The following SUPT5H variants were observed in gnomAD, a reference collection of about 807,000 sequenced individuals.
SUPT5H encodes the protein transcription elongation factor SPT5.
Under a neutral mutation model 142.5 loss-of-function variants are expected in SUPT5H, and 24 were observed. The observed-to-expected ratio is 0.17, with a 90% CI of 0.12 to 0.24. The LOEUF is 0.24. Ranked by LOEUF, SUPT5H falls within the 10% of genes least tolerant of loss-of-function variation. The probability of loss-of-function intolerance (pLI) is 1.00; values close to 1 mark genes in which losing one functional copy is unlikely to be tolerated. For synonymous variants in SUPT5H, 546 were observed against 553.0 expected (o/e 0.99, Z 0.18); for missense variants, 893 against 1,471.8 (o/e 0.61, Z 6.43).
rs929460961 is a variant in SUPT5H, at chr19:39,466,437, G to A, written c.877-43G>A. 6.4e-7 allele frequency: 1 copy of A among 1,564,088 alleles called. No individual in the cohort carries two copies. The highest frequency in any genetic ancestry group is 1.4e-5 in the African/African-American group (1 of 73,902). ...GACCCTTCTTGTGTCTGGGGTCAGG[G>A]AGGAGAGTGGGGCCCTGCTGACCTT... On this transcript the variant is annotated intron_variant, in intron 11 of 29. Coordinates refer to ENST00000432763, the MANE Select transcript of SUPT5H (RefSeq NM_001111020.3). This position sits in a 1 kb window ranked among gnomAD's most constrained non-coding sequence, Gnocchi z 4.3.
intron 2 of SUPT5H, among the ~76,000 whole-genome samples, chr19:39,447,381 T>C (rs2078967104): frequency 6.6e-6 from 1 of 152,070 alleles, no homozygotes. Flanking sequence ...GTACCTCTGT[T>C]CCAGGAACCA....
At chr19:39,449,929 C>G (rs1382706057) in intron 2 of SUPT5H, among the ~76,000 whole-genome samples, 1 of 144,886 alleles carries the variant, frequency 6.9e-6, no homozygotes, top group Non-Finnish European at 1.5e-5. Flanking sequence ...CATGAGCCAC[C>G]ACGCTAAGCC....
intron 10 of SUPT5H, among the ~76,000 whole-genome samples, chr19:39,460,478 C>G (rs2079146610): frequency 6.6e-6 from 1 of 152,204 alleles, no homozygotes; most frequent in Non-Finnish European, 1.5e-5. Flanking sequence ...TGGCATTCAC[C>G]TGTAATACCA....
At chr19:39,475,809 T>TCG in intron 28 of SUPT5H, 1 of 464,534 alleles carries the variant, frequency 2.2e-6, no homozygotes. Flanking sequence ...GGGAAGACGC[T>TCG]GAGGCCAGTT....
chr19:39,466,836 C>A lies in SUPT5H; in HGVS notation c.1037+91C>A. The A allele has an allele frequency of 1.6e-6, 2 of 1,276,398 alleles. No homozygotes were observed. The highest frequency in any genetic ancestry group is 1.1e-6 in the Non-Finnish European group (1 of 875,482). 79.1% of individuals were successfully genotyped at this position (1,276,398 alleles called of 1,614,324 possible). ...AGGTTCCTCCCCAGGGGTGGCCCCGCCACAGGTTTAGCCTGTGAATTGGTT... is the reference window on the plus strand; with the variant it reads ...AGGTTCCTCCCCAGGGGTGGCCCCGACACAGGTTTAGCCTGTGAATTGGTT... On this transcript the variant is annotated intron_variant, in intron 13 of 29. Transcript: ENST00000432763. The surrounding 1 kb of genome is among the most constrained non-coding windows in gnomAD (Gnocchi z 4.3).
At chr19:39,457,921 T>TGG in intron 4 of SUPT5H, 181 bp downstream of exon 4, 5 of 680,522 alleles carry the variant, frequency 7.3e-6, no homozygotes, top group East Asian at 4.5e-5. Flanking sequence ...GGCCCATGAG[T>TGG]GGGGGGTGGG....
At chr19:39,461,837 A>T (rs1442842519) in intron 10 of SUPT5H, among the ~76,000 whole-genome samples, 47 of 146,582 alleles carry the variant, frequency 3.2e-4, no homozygotes, top group Non-Finnish European at 5.1e-4. Context: ...AAAAAAAAAA[A>T]AAATAATAAT....
At position 39,459,068 on chromosome 19, in the gene SUPT5H, A is replaced by G; in HGVS notation, c.453A>G (p.Gly151=). 2 of 1,613,668 alleles carry G rather than the reference A, an allele frequency of 1.2e-6. No individual in the cohort carries two copies. The highest frequency in any genetic ancestry group is 2.2e-5 in the South Asian group (2 of 91,046). Residue 151 remains glycine (G), a synonymous_variant, in exon 7 of 30, where the codon GGA becomes GGG. Transcript: ENST00000432763. ...AGAAATACGCCAAGTCATCTGTGGG[A>G]GAGACGTAAGGGCATGGTGGGGGCA... ...YMKKYAKSSV[G]ETVYGGSDEL...
In SUPT5H at chr19:39,470,332, C is replaced by G; in HGVS notation, c.1531-45C>G. 1 of 1,540,352 alleles carries G rather than the reference C, an allele frequency of 6.5e-7. No individual in the cohort carries two copies. Among genetic ancestry groups the G allele is most frequent in the Non-Finnish European group, 8.8e-7 (1 of 1,138,094 alleles). On this transcript the variant is annotated intron_variant, in intron 17 of 29. Transcript: ENST00000432763. This position sits in a 1 kb window ranked among gnomAD's most constrained non-coding sequence, Gnocchi z 5.8. ...CGTGCCAAGAGGAGACCCAGGTAGG[C>G]GAGCCACCTGGACTGGGCCTCACCC... is the stretch of plus-strand genomic sequence containing the variant.
intron 3 of SUPT5H, among the ~76,000 whole-genome samples, 168 bp from the exon 4 acceptor site, chr19:39,457,507 A>C (rs1334969422): frequency 2.6e-5 from 4 of 152,128 alleles, no homozygotes; most frequent in Admixed American, 6.5e-5. Context: ...TGATGCGTGC[A>C]CCAGCTCTGT....
At position 39,450,985 on chromosome 19, in the gene SUPT5H, A is replaced by G. The variant is rs373184072; in HGVS notation, c.76-2371A>G. Among the ~76,000 whole-genome samples the G allele has an allele frequency of 5.4e-4, 83 of 152,296 alleles. 2 individuals carry two copies. The South Asian group carries it at 0.017, about 31-fold the overall frequency. On this transcript the variant is annotated intron_variant, in intron 2 of 29. Coordinates refer to ENST00000432763, the MANE Select transcript of SUPT5H (RefSeq NM_001111020.3). ...TTCAAAAAGTTTTAAATTTTGAAAC[A>G]TTGCATAATATAAAAATGTTTTTAT...
chr19:39,453,420 A>G lies in SUPT5H; in HGVS notation c.140A>G (p.Glu47Gly), dbSNP rs923821908. The G allele has an allele frequency of 1.3e-6, 2 of 1,583,130 alleles. No homozygotes were observed. The highest frequency in any genetic ancestry group is 2.7e-5 in the African/African-American group (2 of 73,872). The change falls in exon 3 of 30, where the codon GAG (glutamate) becomes GGG (glycine). Residue 47 changes from glutamate to glycine, a missense_variant. Transcript: ENST00000432763. ...EKEEEPEDEE[E>G]EEEEEEYDEE... ...GAAGAAGAGCCTGAGGACGAAGAGGAGGAGGAAGAGGAGGAGGAATACGAT... is the reference window on the plus strand; with the variant it reads ...GAAGAAGAGCCTGAGGACGAAGAGGGGGAGGAAGAGGAGGAGGAATACGAT...
chr19:39,464,274 C>G (rs562998630), intron 10 of SUPT5H, among the ~76,000 whole-genome samples: 1 of 152,166 alleles, frequency 6.6e-6, no homozygotes, highest in African/African-American at 2.4e-5. Flanking sequence ...CATGAGCCAC[C>G]GTGCCCGGCT....
intron 13 of SUPT5H, 143 bp from the exon 14 acceptor site, chr19:39,468,613 C>T: frequency 1.5e-6 from 1 of 674,726 alleles, no homozygotes; most frequent in Non-Finnish European, 2.6e-6. Context: ...GAAGTCACTG[C>T]TGCCAAGAGG....
rs1213401068 is a variant in SUPT5H, at chr19:39,474,884, C to T, written c.3024+166C>T. ...ATGTGAACCCAAAGGAGGCATCTTA[C>T]CTGATTTAGCGGGGAATCAGGGAGG... On this transcript the variant is annotated intron_variant, in intron 28 of 29. Transcript: ENST00000432763. The surrounding 1 kb of genome is among the most constrained non-coding windows in gnomAD (Gnocchi z 6.5). 2.7e-6 allele frequency: 2 copies of T among 745,676 alleles called. No individual in the cohort carries two copies. The highest frequency in any genetic ancestry group is 4.3e-6 in the Non-Finnish European group (2 of 464,432). The allele number at this position is 745,676 out of a possible 1,614,324, so 46.2% of individuals were successfully genotyped here. A position where few individuals can be genotyped will look rare whatever the true frequency, so the allele number is the denominator to read the frequency against.
intron 10 of SUPT5H, among the ~76,000 whole-genome samples, chr19:39,463,083 C>T (rs536871006): frequency 6.8e-6 from 1 of 147,752 alleles, no homozygotes; most frequent in Non-Finnish European, 1.5e-5. Context: ...ACCTTGAACT[C>T]CTGACCTCAG....
rs1040927223 is a variant in SUPT5H at position 39,458,551 on chromosome 19, G to A, written c.319+246G>A. On this transcript the variant is annotated intron_variant, in intron 5 of 29. Coordinates refer to ENST00000432763, the MANE Select transcript of SUPT5H (RefSeq NM_001111020.3). The surrounding 1 kb of genome is among the most constrained non-coding windows in gnomAD (Gnocchi z 4.2). ...TGTGGGTGGTAGCGATGTGTGGGGT[G>A]GGGTGCAGTCCAGGGTGTGCCTGGA... 2.5e-6 allele frequency: 2 copies of A among 795,142 alleles called. No homozygotes were observed. Among genetic ancestry groups the A allele is most frequent in the African/African-American group, 3.4e-5 (2 of 58,096 alleles). The allele number at this position is 795,142 out of a possible 1,614,324, so 49.3% of individuals were successfully genotyped here. A position where few individuals can be genotyped will look rare whatever the true frequency, so the allele number is the denominator to read the frequency against.
chr19:39,465,144 A>G (rs1007189374), intron 11 of SUPT5H, 95 bp downstream of exon 11: 7 of 1,501,950 alleles, frequency 4.7e-6, no homozygotes, highest in Non-Finnish European at 6.3e-6. Context: ...TGCTGCAGAG[A>G]ATAGAATCCC....
rs147294122 is a variant in SUPT5H at position 39,476,273 on chromosome 19, C to T, written c.3138C>T (p.Gly1046=). Residue 1046 remains glycine, a synonymous_variant, in exon 30 of 30, where the codon GGC becomes GGT. Transcript: ENST00000432763. ...ACCCCCAGGTGAAAGTGATCCTGGGCGAGGATCGGGAAGCCACGGGCGTCC... is the reference window on the plus strand; with the variant it reads ...ACCCCCAGGTGAAAGTGATCCTGGGTGAGGATCGGGAAGCCACGGGCGTCC... ...TKNNKVKVIL[G]EDREATGVLL... is the part of the protein sequence containing the mutation. 1.1e-5 allele frequency: 18 copies of T among 1,613,882 alleles called. No homozygotes were observed. The highest frequency in any genetic ancestry group is 3.3e-5 in the South Asian group (3 of 91,062).
Sources: gnomAD v4.1 joint callset for allele counts (sites outside exome capture counted in the v4.1 genomes callset) on GRCh38, gnomAD v4.1.1 for gene constraint, Gnocchi (gnomAD v3.1) non-coding constraint, MANE v1.5 for transcripts, NCBI Gene and HGNC (gene_info 2026-07-23, HGNC 2026-07-21) for gene names.